The following CTNND2 variants were observed in gnomAD, a reference collection of about 807,000 sequenced individuals.
CTNND2 encodes catenin delta-2.
A neutral mutation model predicts 144.4 loss-of-function variants in CTNND2; 22 were observed. The ratio of observed to expected loss-of-function variants is 0.15; its 90% CI spans 0.11 to 0.22. CTNND2 has a LOEUF of 0.22. Ranked by LOEUF, CTNND2 falls within the 10% of genes least tolerant of loss-of-function variation. CTNND2 has a pLI of 1.00. For missense variants in CTNND2, 1,353 were observed against 1,618.8 expected, an observed-to-expected ratio of 0.84 and a Z score of 2.82; for synonymous variants, 751 against 695.6, an observed-to-expected ratio of 1.08 and a Z score of -1.25.
In CTNND2 at chr5:11,762,138, C is replaced by G. The variant is rs145191136; in HGVS notation, c.38-29866G>C. ...AAATCTCAATTTCACGTTGTCAATT[C>G]TAGAGTCCCCTACAAAAATGGCATC... On this transcript the variant is annotated intron_variant, in intron 1 of 21. Coordinates refer to ENST00000304623, the MANE Select transcript of CTNND2 (RefSeq NM_001332.4). 2.6e-5 allele frequency among the ~76,000 whole-genome samples: 4 copies of G among 152,092 alleles called. No individual in the cohort carries two copies. In the South Asian group the frequency reaches 8.3e-4, roughly 31 times the overall value.
At chr5:11,156,257 T>C (rs578064773) in intron 12 of CTNND2, among the ~76,000 whole-genome samples, 1 of 152,356 alleles carries the variant, frequency 6.6e-6, no homozygotes, top group East Asian at 1.9e-4. Context: ...TAATTTGCAT[T>C]CATAGATTAT....
At chr5:11,231,174 T>C (rs1213779163) in intron 10 of CTNND2, among the ~76,000 whole-genome samples, 1 of 152,150 alleles carries the variant, frequency 6.6e-6, no homozygotes, top group African/African-American at 2.4e-5. Flanking sequence ...CTGCCATGAT[T>C]GTAAGTTTTC....
chr5:11,770,135 A>G (rs1272042773), intron 1 of CTNND2, among the ~76,000 whole-genome samples: 5 of 152,186 alleles, frequency 3.3e-5, no homozygotes, highest in Non-Finnish European at 5.9e-5. Flanking sequence ...AAAGTCATTG[A>G]AGAAAAGAAA....
At chr5:11,367,258 A>G (rs1435619567) in intron 7 of CTNND2, among the ~76,000 whole-genome samples, 1 of 152,196 alleles carries the variant, frequency 6.6e-6, no homozygotes, top group Non-Finnish European at 1.5e-5. Context: ...GGGTGGGCAC[A>G]GTTATTGGCA....
chr5:11,141,374 A>C (rs1175709745), intron 12 of CTNND2, among the ~76,000 whole-genome samples: 1 of 152,136 alleles, frequency 6.6e-6, no homozygotes, highest in Non-Finnish European at 1.5e-5. Flanking sequence ...TGCATGCTTA[A>C]AGTGATTGGC....
intron 9 of CTNND2, among the ~76,000 whole-genome samples, chr5:11,247,373 C>T (rs1399755641): frequency 6.6e-6 from 1 of 152,148 alleles, no homozygotes; most frequent in Admixed American, 6.5e-5. Context: ...TATGCAAAGC[C>T]TACTCCACGC....
chr5:11,215,806 C>T (rs895459746), intron 10 of CTNND2, among the ~76,000 whole-genome samples: 1 of 152,024 alleles, frequency 6.6e-6, no homozygotes, highest in Non-Finnish European at 1.5e-5. Flanking sequence ...TGGGAACTCT[C>T]AGAGATAATA....
At position 11,711,463 on chromosome 5, in the gene CTNND2, C is replaced by T. The variant is rs528128255; in HGVS notation, c.174+20673G>A. On this transcript the variant is annotated intron_variant, in intron 2 of 21. Transcript: ENST00000304623. Reference sequence around the variant, plus strand: ...CACGCCACTTACATATAGAAATGTACATTCAGGTTTCACTATTGTCTTTTA... The same window carrying T: ...CACGCCACTTACATATAGAAATGTATATTCAGGTTTCACTATTGTCTTTTA... Among the ~76,000 whole-genome samples, 3 of 152,182 alleles carry T rather than the reference C, an allele frequency of 2.0e-5. No homozygotes were observed. The South Asian group carries it at 6.2e-4, about 32-fold the overall frequency.
intron 9 of CTNND2, among the ~76,000 whole-genome samples, chr5:11,285,407 C>T (rs954757660): frequency 6.6e-6 from 1 of 152,188 alleles, no homozygotes; most frequent in African/African-American, 2.4e-5. Context: ...GGTTCTTTCA[C>T]AAGCCCCAGT....
intron 9 of CTNND2, among the ~76,000 whole-genome samples, chr5:11,277,500 A>ATATTTATTTATT (rs202245115): frequency 2.6e-4 from 36 of 136,904 alleles, no homozygotes; most frequent in East Asian, 8.4e-4. Flanking sequence ...CTTTTTAAAA[A>ATATTTATTTATT]TATTTATTTA....
chr5:11,020,637 G>A (rs977574747), intron 17 of CTNND2, among the ~76,000 whole-genome samples: 13 of 152,128 alleles, frequency 8.5e-5, no homozygotes, highest in Admixed American at 3.3e-4. Context: ...TTTGTTTTAA[G>A]AGCAGTGAAA....
chr5:11,617,336 G>A (rs1346556107), intron 2 of CTNND2, among the ~76,000 whole-genome samples: 1 of 152,096 alleles, frequency 6.6e-6, no homozygotes, highest in Non-Finnish European at 1.5e-5. Context: ...TCAGTAGCTG[G>A]ATCTCTGATA....
intron 3 of CTNND2, among the ~76,000 whole-genome samples, chr5:11,426,129 T>C (rs1368412871): frequency 2.6e-5 from 4 of 152,202 alleles, no homozygotes; most frequent in Non-Finnish European, 5.9e-5. Flanking sequence ...GTATTTGAAG[T>C]TGAGCCTAAT....
At chr5:11,499,486 T>C (rs1327072132) in intron 3 of CTNND2, among the ~76,000 whole-genome samples, 3 of 152,216 alleles carry the variant, frequency 2.0e-5, no homozygotes, top group African/African-American at 4.8e-5. Context: ...GGTATATCCA[T>C]TACCAAGCTC....
At chr5:11,887,177 GT>G (rs1377734105) in intron 1 of CTNND2, among the ~76,000 whole-genome samples, 1 of 151,828 alleles carries the variant, frequency 6.6e-6, no homozygotes, top group Non-Finnish European at 1.5e-5. Context: ...AAGAGATGGG[GT>G]TTAACCATGT....
At chr5:11,072,367 T>C (rs1351195060) in intron 16 of CTNND2, among the ~76,000 whole-genome samples, 1 of 152,268 alleles carries the variant, frequency 6.6e-6, no homozygotes, top group Non-Finnish European at 1.5e-5. Context: ...CACTTTGGGA[T>C]TGAAGGCTAT....
chr5:11,597,758 G>A (rs75632843), intron 2 of CTNND2, among the ~76,000 whole-genome samples: 3,588 of 152,058 alleles, frequency 0.024, 63 homozygotes, highest in African/African-American at 0.047. Flanking sequence ...ATTATTTGTA[G>A]AAAAGGATTT....
Position 11,368,891 on chromosome 5 carries a change from T to C in CTNND2, c.1178-4001A>G, listed in dbSNP as rs1338604846. On this transcript the variant is annotated intron_variant, in intron 7 of 21. Transcript: ENST00000304623. ...TTGGAGGGTCAGATGAGAGAGACTA[T>C]GTGTGAAAGTGCTCTGCAATTGATA... is the stretch of plus-strand genomic sequence containing the variant. 6.6e-5 allele frequency among the ~76,000 whole-genome samples: 10 copies of C among 152,284 alleles called. No homozygotes were observed. In the South Asian group the frequency reaches 1.9e-3, roughly 28 times the overall value.
intron 8 of CTNND2, among the ~76,000 whole-genome samples, chr5:11,361,001 G>A (rs944017596): frequency 5.3e-5 from 8 of 152,108 alleles, no homozygotes; most frequent in African/African-American, 1.9e-4. Flanking sequence ...GGGTAAGACT[G>A]CCTACGTATG....
Sources: gnomAD v4.1 joint callset for allele counts (sites outside exome capture counted in the v4.1 genomes callset) on GRCh38, gnomAD v4.1.1 for gene constraint, MANE v1.5 for transcripts, NCBI Gene and HGNC (gene_info 2026-07-23, HGNC 2026-07-21) for gene names.